ALDH16A1: variants seen among roughly 807,000 people sequenced by gnomAD.
ALDH16A1 encodes the protein aldehyde dehydrogenase family 16 member A1.
A neutral mutation model predicts 96.1 loss-of-function variants in ALDH16A1; 88 were observed. The observed-to-expected ratio is 0.92, with a 90% CI of 0.77 to 1.09. The LOEUF is 1.09. Ranked by LOEUF, ALDH16A1 falls within the 50% of genes least tolerant of loss-of-function variation. The pLI is 0.00. For synonymous variants in ALDH16A1, 522 were observed against 496.4 expected (o/e 1.05, Z -0.69); for missense variants, 1,250 against 1,112.6 (o/e 1.12, Z -1.76).
chr19:49,468,571 A>G lies in ALDH16A1; in HGVS notation c.2124+5A>G. The G allele has an allele frequency of 6.2e-7, 1 of 1,602,542 alleles. No individual in the cohort carries two copies. Among genetic ancestry groups the G allele is most frequent in the African/African-American group, 1.3e-5 (1 of 74,954 alleles). ...CTGGCCCTGGAGGTCTGCCAGGTAT[A>G]GCCCCCTGCCTTCCTGCCTCTCCTC... On this transcript the variant is annotated splice_donor_5th_base_variant and intron_variant, in intron 15 of 16. Coordinates refer to ENST00000293350, the MANE Select transcript of ALDH16A1 (RefSeq NM_153329.4). This position sits in a 1 kb window ranked among gnomAD's most constrained non-coding sequence, Gnocchi z 4.4.
intron 1 of ALDH16A1, 74 bp downstream of exon 1, chr19:49,453,495 C>T: frequency 7.4e-7 from 1 of 1,348,456 alleles, no homozygotes; most frequent in South Asian, 1.3e-5. Context: ...CGGGGAGTCC[C>T]GTCATCCACT....
At position 49,468,846 on chromosome 19, in the gene ALDH16A1, ACTCT is replaced by A. The variant is rs770614999; in HGVS notation, c.2125-13_2125-10del. 15 of 1,594,900 alleles carry A rather than the reference ACTCT, an allele frequency of 9.4e-6. No homozygotes were observed. Among genetic ancestry groups the A allele is most frequent in the African/African-American group, 8.4e-5 (6 of 71,216 alleles). ...GCCCCCACGGCCTCCCCAACCTTTC[ACTCT>A]CTCTATCCCCTAGGACATGGCCACC... is the stretch of plus-strand genomic sequence containing the variant. On this transcript the variant is annotated splice_polypyrimidine_tract_variant and intron_variant, in intron 15 of 16. Transcript: ENST00000293350. The surrounding 1 kb of genome is among the most constrained non-coding windows in gnomAD (Gnocchi z 4.4).
At position 49,461,703 on chromosome 19, in the gene ALDH16A1, C is replaced by G. The variant is rs373916141; in HGVS notation, c.662C>G (p.Pro221Arg). 2.5e-6 allele frequency: 4 copies of G among 1,609,376 alleles called. No individual in the cohort carries two copies. The highest frequency in any genetic ancestry group is 1.7e-5 in the Admixed American group (1 of 59,796). ...CTGGCGGGGGAGCTGGGCCCCTTCC[C>G]GGGAATCCTGAATGTCCTCAGTGGC... is the stretch of plus-strand genomic sequence containing the variant. The part of the protein sequence containing the change: ...AQLAGELGPF[P>R]GILNVLSGPA... Residue 221 changes from proline to arginine, a missense_variant, in exon 6 of 17, where the codon CCG (proline) becomes CGG (arginine). Coordinates refer to ENST00000293350, the MANE Select transcript of ALDH16A1 (RefSeq NM_153329.4).
At position 49,459,848 on chromosome 19, in the gene ALDH16A1, G is replaced by A; in HGVS notation, c.499G>A (p.Gly167Arg). 6.2e-7 allele frequency: 1 copy of A among 1,612,928 alleles called. No homozygotes were observed. Among genetic ancestry groups the A allele is most frequent in the Non-Finnish European group, 8.5e-7 (1 of 1,179,670 alleles). Reference sequence around the variant, plus strand: ...GGCACTGGCAGGCTGGGAGCCCATGGGTGAGACCCTGGAGTCCCTAGCCCT... The same window carrying A: ...GGCACTGGCAGGCTGGGAGCCCATGAGTGAGACCCTGGAGTCCCTAGCCCT... ...EEALAGWEPM[G>R]VIGLILPPTF... The change falls in exon 4 of 17, where the codon GGA (glycine) becomes AGA (arginine). Residue 167 changes from glycine to arginine, a missense_variant and splice_region_variant. Physicochemically the swap from Gly to Arg is moderately radical, Grantham distance 125. Coordinates refer to ENST00000293350, the MANE Select transcript of ALDH16A1 (RefSeq NM_153329.4). This position sits in a 1 kb window ranked among gnomAD's most constrained non-coding sequence, Gnocchi z 4.1.
At position 49,468,018 on chromosome 19, in the gene ALDH16A1, G is replaced by A. The variant is rs2122423499; in HGVS notation, c.1939-363G>A. 1.3e-5 allele frequency among the ~76,000 whole-genome samples: 2 copies of A among 151,772 alleles called. No homozygotes were observed. Among genetic ancestry groups the A allele is most frequent in the Non-Finnish European group, 2.9e-5 (2 of 67,942 alleles). Reference sequence around the variant, plus strand: ...ATATACAAAAAAAAAAAATTAGCCGGGCATGGTGGCAGGTGCCTGTAGTCT... The same window carrying A: ...ATATACAAAAAAAAAAAATTAGCCGAGCATGGTGGCAGGTGCCTGTAGTCT... On this transcript the variant is annotated intron_variant, in intron 14 of 16. Transcript: ENST00000293350. This position sits in a 1 kb window ranked among gnomAD's most constrained non-coding sequence, Gnocchi z 4.4.
At chr19:49,470,122 A>G (rs1601047592) in intron 16 of ALDH16A1, 184 bp from the exon 17 acceptor site, 1 of 673,690 alleles carries the variant, frequency 1.5e-6, no homozygotes, top group Non-Finnish European at 2.5e-6. Context: ...AAATTCCCTA[A>G]CCACTGGGTC....
In ALDH16A1 at chr19:49,462,649, G is replaced by C. The variant is rs776418561; in HGVS notation, c.992G>C (p.Arg331Pro). The C allele has an allele frequency of 3.1e-6, 5 of 1,612,484 alleles. No individual in the cohort carries two copies. The highest frequency in any genetic ancestry group is 4.2e-6 in the Non-Finnish European group (5 of 1,179,866). ...RRLQERMGRL[R>P]SGRGLDGAVD... is the part of the protein sequence containing the mutation. ...CTGCAGGAGCGGATGGGGCGGCTTCGGAGTGGCCGAGGGCTGGATGGGGCC... is the reference window on the plus strand; with the variant it reads ...CTGCAGGAGCGGATGGGGCGGCTTCCGAGTGGCCGAGGGCTGGATGGGGCC... Residue 331 changes from arginine (R) to proline (P), a missense_variant, in exon 8 of 17, where the codon CGG (arginine) becomes CCG (proline). Transcript: ENST00000293350.
At chr19:49,466,317 C>T (rs1020332766) in intron 14 of ALDH16A1, 34 bp downstream of exon 14, 1 of 1,425,626 alleles carries the variant, frequency 7.0e-7, no homozygotes, top group Non-Finnish European at 9.2e-7. Context: ...GCCAGCTGGG[C>T]AGGCGGGGTG....
At chr19:49,456,647 G>A (rs755169011) in intron 1 of ALDH16A1, among the ~76,000 whole-genome samples, 2 of 152,144 alleles carry the variant, frequency 1.3e-5, no homozygotes, top group Non-Finnish European at 1.5e-5. Context: ...GTCTCAGCGT[G>A]GGAAAGTGCA....
chr19:49,458,342 CTTT>C, intron 1 of ALDH16A1, 141 bp from the exon 2 acceptor site: 1 of 641,402 alleles, frequency 1.6e-6, no homozygotes, highest in Non-Finnish European at 2.7e-6. Flanking sequence ...TTACCACAAA[CTTT>C]TTTTTTAAAG....
In ALDH16A1 at chr19:49,470,437, C is replaced by CA; in HGVS notation, c.2381dup (p.Ala795GlyfsTer44). ...AGCTGGGGCTGCGAGTGGCGCGGAC[C>CA]AAGGCCCTGTGGCTGCCTATGGGGG... is the stretch of plus-strand genomic sequence containing the variant. On this transcript the variant is annotated frameshift_variant, in exon 17 of 17. Transcript: ENST00000293350. LOFTEE classifies it high-confidence loss of function. 6.2e-7 allele frequency: 1 copy of CA among 1,603,268 alleles called. No homozygotes were observed. Among genetic ancestry groups the CA allele is most frequent in the South Asian group, 1.1e-5 (1 of 90,218 alleles).
Position 49,468,328 on chromosome 19 carries a change from T to C in ALDH16A1, c.1939-53T>C. 6 of 1,558,258 alleles carry C rather than the reference T, an allele frequency of 3.9e-6. No individual in the cohort carries two copies. The highest frequency in any genetic ancestry group is 5.2e-6 in the Non-Finnish European group (6 of 1,153,652). ...GAATGTAGAGGAACTGGATCTCTCA[T>C]TTACTGCGGGCGGGGCTCCCCTGCC... On this transcript the variant is annotated intron_variant, in intron 14 of 16. Coordinates refer to ENST00000293350, the MANE Select transcript of ALDH16A1 (RefSeq NM_153329.4). This position sits in a 1 kb window ranked among gnomAD's most constrained non-coding sequence, Gnocchi z 4.4.
At chr19:49,454,033 T>G (rs2079090591) in intron 1 of ALDH16A1, among the ~76,000 whole-genome samples, 1 of 147,386 alleles carries the variant, frequency 6.8e-6, no homozygotes, top group African/African-American at 2.5e-5. Context: ...TTTTTTTTGT[T>G]TTTTTTTTTG....
Position 49,460,849 on chromosome 19 carries a change from C to T in ALDH16A1, c.527C>T (p.Thr176Ile). 6.2e-7 allele frequency: 1 copy of T among 1,613,750 alleles called. No individual in the cohort carries two copies. Among genetic ancestry groups the T allele is most frequent in the Non-Finnish European group, 8.5e-7 (1 of 1,179,976 alleles). The change falls in exon 5 of 17, where the codon ACA becomes ATA. Residue 176 changes from threonine (T) to isoleucine (I), a missense_variant. Transcript: ENST00000293350. Reference sequence around the variant, plus strand: ...GTAATTGGCCTCATCCTGCCACCCACATTCTCCTTCCTTGAGATGATGTGG... The same window carrying T: ...GTAATTGGCCTCATCCTGCCACCCATATTCTCCTTCCTTGAGATGATGTGG... ...MGVIGLILPP[T>I]FSFLEMMWRI...
intron 2 of ALDH16A1, 113 bp downstream of exon 2, chr19:49,458,701 G>C (rs1480577462): frequency 2.5e-6 from 3 of 1,210,158 alleles, no homozygotes; most frequent in Non-Finnish European, 3.5e-6. Context: ...ACAGCTGGTG[G>C]TGGGAGATGG....
intron 2 of ALDH16A1, 71 bp downstream of exon 2, chr19:49,458,659 A>G: frequency 1.4e-6 from 2 of 1,464,780 alleles, no homozygotes; most frequent in East Asian, 2.5e-5. Context: ...ACCAACACCC[A>G]TTCCCCTTGC....
In ALDH16A1 at chr19:49,468,489, C is replaced by A; in HGVS notation, c.2047C>A (p.Pro683Thr). Residue 683 changes from proline to threonine, a missense_variant, in exon 15 of 17, where the codon CCC (proline) becomes ACC (threonine). Physicochemically the swap from Pro to Thr is conservative, Grantham distance 38. Transcript: ENST00000293350. This position sits in a 1 kb window ranked among gnomAD's most constrained non-coding sequence, Gnocchi z 4.4. Reference sequence around the variant, plus strand: ...GCTTGCCTTCGTGTCCCTGCTGGCTCCCGCCCTGGCCTACGGCAACACTGT... The same window carrying A: ...GCTTGCCTTCGTGTCCCTGCTGGCTACCGCCCTGGCCTACGGCAACACTGT... ...PLLAFVSLLA[P>T]ALAYGNTVVM... 1 of 1,603,374 alleles carries A rather than the reference C, an allele frequency of 6.2e-7. No individual in the cohort carries two copies. Among genetic ancestry groups the A allele is most frequent in the Non-Finnish European group, 8.5e-7 (1 of 1,179,916 alleles).
In ALDH16A1 at chr19:49,468,053, A is replaced by G. The variant is rs1023401029; in HGVS notation, c.1939-328A>G. On this transcript the variant is annotated intron_variant, in intron 14 of 16. Coordinates refer to ENST00000293350, the MANE Select transcript of ALDH16A1 (RefSeq NM_153329.4). The surrounding 1 kb of genome is among the most constrained non-coding windows in gnomAD (Gnocchi z 4.4). ...CAGGTGCCTGTAGTCTCAGCTACTCAGGAGACTGAGGCAGGAGAATGGCGT... is the reference window on the plus strand; with the variant it reads ...CAGGTGCCTGTAGTCTCAGCTACTCGGGAGACTGAGGCAGGAGAATGGCGT... Among the ~76,000 whole-genome samples the G allele has an allele frequency of 3.3e-5, 5 of 151,064 alleles. No individual in the cohort carries two copies. The highest frequency in any genetic ancestry group is 7.3e-5 in the African/African-American group (3 of 41,058).
chr19:49,468,161 A>AG lies in ALDH16A1; in HGVS notation c.1939-220_1939-219insG. 1 of 324,546 alleles carries AG rather than the reference A, an allele frequency of 3.1e-6. No individual in the cohort carries two copies. The allele number at this position is 324,546 out of a possible 1,614,324, so 20.1% of individuals were successfully genotyped here. Reference sequence around the variant, plus strand: ...GGCGACAGAGTGAGAGTCCGTCTCAAAAAAAAAAAAAAAGAAAGGCGGTTA... The same window carrying AG: ...GGCGACAGAGTGAGAGTCCGTCTCAAGAAAAAAAAAAAAAGAAAGGCGGTTA... On this transcript the variant is annotated intron_variant, in intron 14 of 16. Transcript: ENST00000293350. The surrounding 1 kb of genome is among the most constrained non-coding windows in gnomAD (Gnocchi z 4.4).
Sources: gnomAD v4.1 joint callset for allele counts (sites outside exome capture counted in the v4.1 genomes callset) on GRCh38, gnomAD v4.1.1 for gene constraint, Gnocchi (gnomAD v3.1) non-coding constraint, MANE v1.5 for transcripts, NCBI Gene and HGNC (gene_info 2026-07-23, HGNC 2026-07-21) for gene names.